The following HCN1 variants were observed in gnomAD, a reference collection of about 807,000 sequenced individuals.
HCN1 encodes potassium/sodium hyperpolarization-activated cyclic nucleotide-gated channel 1.
Under a neutral mutation model 78.9 loss-of-function variants are expected in HCN1, and 13 were observed. The observed-to-expected ratio is 0.16, with a 90% CI of 0.11 to 0.26. The LOEUF (loss-of-function observed/expected upper bound fraction) is 0.26. HCN1 is among the 10% of genes least tolerant of loss of function. HCN1 has a pLI of 1.00. For missense variants in HCN1, 810 were observed against 1,154.3 expected, an observed-to-expected ratio of 0.70 and a Z score of 4.32; for synonymous variants, 552 against 455.5, an observed-to-expected ratio of 1.21 and a Z score of -2.70.
chr5:45,576,848 A>C (rs1024335084), intron 2 of HCN1, among the ~76,000 whole-genome samples: 1 of 152,014 alleles, frequency 6.6e-6, no homozygotes, highest in African/African-American at 2.4e-5. Context: ...GAACCAATTC[A>C]TCCCAATTTC....
intron 4 of HCN1, among the ~76,000 whole-genome samples, chr5:45,379,391 A>C (rs975026858): frequency 4.6e-5 from 7 of 152,098 alleles, no homozygotes; most frequent in African/African-American, 1.7e-4. Context: ...TGTATCTAAG[A>C]AATATGGTAT....
intron 2 of HCN1, among the ~76,000 whole-genome samples, chr5:45,581,515 T>C (rs1490264968): frequency 6.6e-6 from 1 of 152,190 alleles, no homozygotes; most frequent in Non-Finnish European, 1.5e-5. Context: ...GCAGAAGCTC[T>C]TTAGTTTAAT....
chr5:45,367,444 T>A lies in HCN1; in HGVS notation c.1231-14198A>T, dbSNP rs1747259114. The stretch of plus-strand genomic sequence containing the variant: ...AACATAAATTGAACAATACTTTGAA[T>A]TGGCAGTGAGTTTTTAGTTACCTGT... On this transcript the variant is annotated intron_variant, in intron 4 of 7. Transcript: ENST00000303230. Among the ~76,000 whole-genome samples the A allele has an allele frequency of 2.0e-5, 3 of 151,932 alleles. No individual in the cohort carries two copies. The Admixed American group carries it at 2.0e-4, about 10-fold the overall frequency.
At chr5:45,387,825 T>C (rs1747957957) in intron 4 of HCN1, among the ~76,000 whole-genome samples, 1 of 152,150 alleles carries the variant, frequency 6.6e-6, no homozygotes, top group Non-Finnish European at 1.5e-5. Flanking sequence ...GTTTTATTCT[T>C]ATGCATACAT....
At chr5:45,370,511 A>C (rs986233356) in intron 4 of HCN1, among the ~76,000 whole-genome samples, 1 of 152,076 alleles carries the variant, frequency 6.6e-6, no homozygotes, top group African/African-American at 2.4e-5. Flanking sequence ...AGTTTTGAAG[A>C]AGAGAACCTT....
intron 5 of HCN1, among the ~76,000 whole-genome samples, chr5:45,318,477 G>C (rs1377319373): frequency 8.6e-5 from 13 of 151,944 alleles, no homozygotes; most frequent in Admixed American, 8.5e-4. Context: ...ATGAGTTAAT[G>C]GGTGCAGCAC....
At chr5:45,645,983 C>A (rs1045217837) in intron 1 of HCN1, among the ~76,000 whole-genome samples, 3 of 151,874 alleles carry the variant, frequency 2.0e-5, no homozygotes, top group Admixed American at 2.0e-4. Flanking sequence ...TGTAAGAAAG[C>A]CTTTGGGAAG....
intron 3 of HCN1, among the ~76,000 whole-genome samples, chr5:45,424,040 C>T (rs2112070065): frequency 6.7e-6 from 1 of 149,998 alleles, no homozygotes; most frequent in South Asian, 2.1e-4. Context: ...CTTTGGGAGG[C>T]CGAGGAGGGC....
At chr5:45,605,888 T>C (rs1744719421) in intron 2 of HCN1, among the ~76,000 whole-genome samples, 1 of 152,052 alleles carries the variant, frequency 6.6e-6, no homozygotes, top group Non-Finnish European at 1.5e-5. Context: ...GAGAAATTAA[T>C]ACATCTAAAG....
intron 2 of HCN1, among the ~76,000 whole-genome samples, chr5:45,606,005 C>G (rs1485236962): frequency 6.6e-6 from 1 of 151,818 alleles, no homozygotes; most frequent in African/African-American, 2.4e-5. Context: ...GCTTCACATC[C>G]TTTAATTTTT....
chr5:45,499,493 C>T (rs1217808600), intron 2 of HCN1, among the ~76,000 whole-genome samples: 1 of 152,154 alleles, frequency 6.6e-6, no homozygotes, highest in Non-Finnish European at 1.5e-5. Context: ...CTGTCTGGCA[C>T]TCCCTAGTGA....
chr5:45,666,163 C>A (rs1013512255), intron 1 of HCN1, among the ~76,000 whole-genome samples: 14 of 151,980 alleles, frequency 9.2e-5, no homozygotes, highest in Admixed American at 2.6e-4. Context: ...AATCCCAGGA[C>A]AAGTAGTGGT....
intron 4 of HCN1, among the ~76,000 whole-genome samples, chr5:45,375,949 T>C (rs1747638053): frequency 8.4e-6 from 1 of 119,560 alleles, no homozygotes; most frequent in Non-Finnish European, 1.6e-5. Flanking sequence ...TTATCACATA[T>C]ATTATATATG....
intron 1 of HCN1, among the ~76,000 whole-genome samples, chr5:45,686,252 C>A (rs1739808140): frequency 2.7e-5 from 4 of 149,792 alleles, no homozygotes; most frequent in Admixed American, 6.7e-5. Flanking sequence ...TTTTTTTAAG[C>A]AAAACAGCAT....
intron 2 of HCN1, among the ~76,000 whole-genome samples, chr5:45,491,070 T>G (rs549159565): frequency 2.6e-5 from 4 of 152,178 alleles, no homozygotes; most frequent in Non-Finnish European, 5.9e-5. Context: ...CTTAAGTCAC[T>G]AAGGCTTGGC....
At chr5:45,588,422 T>C (rs1022552988) in intron 2 of HCN1, among the ~76,000 whole-genome samples, 4 of 152,188 alleles carry the variant, frequency 2.6e-5, no homozygotes, top group African/African-American at 9.6e-5. Flanking sequence ...CAAAATGTTA[T>C]AGAATCTCAT....
At chr5:45,348,904 A>C (rs1424451024) in intron 5 of HCN1, among the ~76,000 whole-genome samples, 1 of 152,152 alleles carries the variant, frequency 6.6e-6, no homozygotes, top group Non-Finnish European at 1.5e-5. Context: ...AGAGACTTAG[A>C]CTCCCACACA....
intron 2 of HCN1, among the ~76,000 whole-genome samples, chr5:45,524,852 C>T (rs1203584588): frequency 1.3e-5 from 2 of 152,044 alleles, no homozygotes; most frequent in Non-Finnish European, 1.5e-5. Context: ...CCTTTATTTC[C>T]TTCTCCTGTC....
chr5:45,586,789 C>A (rs1402592009), intron 2 of HCN1, among the ~76,000 whole-genome samples: 1 of 152,134 alleles, frequency 6.6e-6, no homozygotes, highest in African/African-American at 2.4e-5. Context: ...AGTCTCTTAG[C>A]ACCAGAGACT....
Sources: gnomAD v4.1 joint callset for allele counts (sites outside exome capture counted in the v4.1 genomes callset) on GRCh38, gnomAD v4.1.1 for gene constraint, MANE v1.5 for transcripts, NCBI Gene and HGNC (gene_info 2026-07-23, HGNC 2026-07-21) for gene names.